AP2A2: variants seen among roughly 807,000 people sequenced by gnomAD.
AP2A2 encodes AP-2 complex subunit alpha-2.
AP2A2 carries 32 observed loss-of-function variants against 104.2 expected under a neutral mutation model. That is an observed-to-expected ratio of 0.31 (90% CI 0.23 to 0.41). The LOEUF is 0.41. AP2A2 is among the 10% of genes least tolerant of loss of function. The pLI, the probability that AP2A2 is intolerant of heterozygous loss-of-function variation, is 1.00. For missense variants in AP2A2, 912 were observed against 1,261.0 expected (o/e 0.72, Z 4.19); for synonymous variants, 539 against 533.3 (o/e 1.01, Z -0.15).
rs948335553 is a variant in AP2A2, at chr11:1,011,603, C to T, written c.*978C>T. ...CTCAGCACCCAGGCTGCACGTCTGA[C>T]ACCTGAGAGGCGAGAGAGTGGGGCC... is the stretch of plus-strand genomic sequence containing the variant. On this transcript the variant is annotated 3_prime_UTR_variant, in exon 22 of 22. Transcript: ENST00000448903. 12 of 420,264 alleles carry T rather than the reference C, an allele frequency of 2.9e-5. 2 individuals carry two copies. The highest frequency in any genetic ancestry group is 1.7e-4 in the South Asian group (10 of 58,312). 26.0% of individuals were successfully genotyped at this position (420,264 alleles called of 1,614,324 possible). A position where few individuals can be genotyped will look rare whatever the true frequency, so the allele number is the denominator to read the frequency against.
chr11:1,010,636 G>T lies in AP2A2; in HGVS notation c.*11G>T. On this transcript the variant is annotated 3_prime_UTR_variant, in exon 22 of 22. Coordinates refer to ENST00000448903, the MANE Select transcript of AP2A2 (RefSeq NM_012305.4). ...TCAGCGCAGTTTTAGTCCTGAGGATGGAAGACCAGGCTCGTGTGTCTTGTG... is the reference window on the plus strand; with the variant it reads ...TCAGCGCAGTTTTAGTCCTGAGGATTGAAGACCAGGCTCGTGTGTCTTGTG... 1.3e-6 allele frequency: 2 copies of T among 1,580,388 alleles called. No homozygotes were observed. Among genetic ancestry groups the T allele is most frequent in the East Asian group, 2.3e-5 (1 of 43,652 alleles).
chr11:928,488 C>T (rs1053168473), intron 1 of AP2A2, among the ~76,000 whole-genome samples: 5 of 152,214 alleles, frequency 3.3e-5, no homozygotes, highest in Non-Finnish European at 7.3e-5. Flanking sequence ...AAATACTTGA[C>T]TATATAGACC....
At chr11:938,986 G>T (rs1380208973) in intron 1 of AP2A2, among the ~76,000 whole-genome samples, 1 of 152,036 alleles carries the variant, frequency 6.6e-6, no homozygotes, top group East Asian at 1.9e-4. Flanking sequence ...AGGTGCGGTG[G>T]CTCACGCCTG....
At chr11:970,784 G>C (rs925265538) in intron 3 of AP2A2, among the ~76,000 whole-genome samples, 2 of 152,210 alleles carry the variant, frequency 1.3e-5, no homozygotes, top group South Asian at 4.1e-4. Flanking sequence ...GACCCGTCCC[G>C]TGGTCCCTTG....
At chr11:1,005,911 C>G (rs1856186722) in intron 16 of AP2A2, among the ~76,000 whole-genome samples, 1 of 152,196 alleles carries the variant, frequency 6.6e-6, no homozygotes, top group African/African-American at 2.4e-5. Flanking sequence ...TTTCTGAATT[C>G]AAGGGGTATA....
In AP2A2 at chr11:1,008,152, C is replaced by A; in HGVS notation, c.2420+17C>A. On this transcript the variant is annotated intron_variant, in intron 18 of 21. Transcript: ENST00000448903. The stretch of plus-strand genomic sequence containing the variant: ...TCAGTTCAGGTAAGAGCCGCCTGTG[C>A]GCCCCGGGCCAAGGGGTGTGTGGGC... 6.3e-7 allele frequency: 1 copy of A among 1,584,232 alleles called. No homozygotes were observed.
At position 992,622 on chromosome 11, in the gene AP2A2, A is replaced by T; in HGVS notation, c.1389A>T (p.Arg463=). Residue 463 remains arginine, a synonymous_variant, in exon 11 of 22, where the codon CGA becomes CGT. Coordinates refer to ENST00000448903, the MANE Select transcript of AP2A2 (RefSeq NM_012305.4). The surrounding 1 kb of genome is among the most constrained non-coding windows in gnomAD (Gnocchi z 6.4). ...GDYVSEEVWY[R]VIQIVINRDD... is the part of the protein sequence containing the mutation. Reference sequence around the variant, plus strand: ...ACGTGAGTGAAGAGGTGTGGTACCGAGTCATTCAGATCGTCATCAACCGGG... The same window carrying T: ...ACGTGAGTGAAGAGGTGTGGTACCGTGTCATTCAGATCGTCATCAACCGGG... 1 of 1,613,910 alleles carries T rather than the reference A, an allele frequency of 6.2e-7. No homozygotes were observed. The highest frequency in any genetic ancestry group is 8.5e-7 in the Non-Finnish European group (1 of 1,179,888).
chr11:926,642 A>G (rs1853129968), intron 1 of AP2A2, among the ~76,000 whole-genome samples: 1 of 152,188 alleles, frequency 6.6e-6, no homozygotes, highest in Non-Finnish European at 1.5e-5. Context: ...CTTCCCAGGA[A>G]ACAGCTTTGT....
chr11:951,137 A>G (rs920431987), intron 1 of AP2A2, among the ~76,000 whole-genome samples: 1 of 152,036 alleles, frequency 6.6e-6, no homozygotes, highest in Admixed American at 6.6e-5. Context: ...TATTTCTTCC[A>G]AATAGATTTA....
chr11:962,548 C>T (rs1854476486), intron 2 of AP2A2, among the ~76,000 whole-genome samples: 1 of 152,100 alleles, frequency 6.6e-6, no homozygotes, highest in Non-Finnish European at 1.5e-5. Context: ...GCCTGGCCAA[C>T]ATGGTGAAAC....
At chr11:986,702 G>C (rs1168637625) in intron 8 of AP2A2, 83 bp from the exon 9 acceptor site, 1 of 1,496,226 alleles carries the variant, frequency 6.7e-7, no homozygotes, top group African/African-American at 1.4e-5. Flanking sequence ...CTGCCATCTG[G>C]ACCCGTCGGG....
At chr11:994,291 C>A (rs754855467) in intron 14 of AP2A2, 46 bp downstream of exon 14, 4 of 1,599,366 alleles carry the variant, frequency 2.5e-6, no homozygotes, top group Admixed American at 3.4e-5. Context: ...AGGGCCTCAC[C>A]CCCAAGACTT....
intron 15 of AP2A2, among the ~76,000 whole-genome samples, chr11:1,002,311 G>C (rs1029054324): frequency 6.6e-6 from 1 of 152,254 alleles, no homozygotes; most frequent in Non-Finnish European, 1.5e-5. Context: ...CCTCCGCCTC[G>C]GCCGGCTCCT....
At chr11:975,574 C>T (rs1854999849) in intron 4 of AP2A2, among the ~76,000 whole-genome samples, 1 of 151,664 alleles carries the variant, frequency 6.6e-6, no homozygotes, top group East Asian at 2.0e-4. Context: ...TGTGAGCCGA[C>T]GTCGGAGAGT....
At chr11:985,978 T>G (rs1855441923) in intron 8 of AP2A2, among the ~76,000 whole-genome samples, 1 of 152,210 alleles carries the variant, frequency 6.6e-6, no homozygotes, top group Non-Finnish European at 1.5e-5. Flanking sequence ...GCTGGAAACG[T>G]CTGTGCCCAT....
intron 1 of AP2A2, among the ~76,000 whole-genome samples, chr11:947,761 C>T (rs1416135846): frequency 1.3e-5 from 2 of 151,678 alleles, no homozygotes; most frequent in Admixed American, 6.6e-5. Context: ...GCCAGGAGTT[C>T]GAGAGCCTGG....
chr11:995,360 G>A (rs1223897887), intron 14 of AP2A2: 1 of 455,920 alleles, frequency 2.2e-6, no homozygotes, highest in Non-Finnish European at 4.4e-6. Context: ...CGTTTTGAGA[G>A]TTGCGTTTTT....
chr11:979,372 T>C (rs1037005881), intron 5 of AP2A2, among the ~76,000 whole-genome samples: 79 of 151,808 alleles, frequency 5.2e-4, no homozygotes, highest in African/African-American at 1.6e-3. Flanking sequence ...AGCACTTTGC[T>C]CACCGAGAAA....
chr11:1,006,642 G>T, intron 17 of AP2A2, 25 bp downstream of exon 17: 1 of 1,566,856 alleles, frequency 6.4e-7, no homozygotes, highest in Non-Finnish European at 8.8e-7. Flanking sequence ...ATTGCCCCAT[G>T]CCCGCAGACA....
Sources: allele counts gnomAD v4.1 joint callset (sites outside exome capture counted in the v4.1 genomes callset), GRCh38; gene constraint gnomAD v4.1.1; non-coding constraint Gnocchi (gnomAD v3.1); transcripts MANE v1.5; gene names NCBI Gene and HGNC (gene_info 2026-07-23, HGNC 2026-07-21).